The following CA10 variants were observed in gnomAD, a reference collection of about 807,000 sequenced individuals.
CA10 encodes carbonic anhydrase-related protein 10.
In CA10, 14 loss-of-function variants were observed where a neutral mutation model predicts 44.2. That is an observed-to-expected ratio of 0.32 (90% CI 0.21 to 0.50). The LOEUF is 0.50. CA10 is among the 20% of genes least tolerant of loss of function. The probability of loss-of-function intolerance (pLI) is 0.99; values close to 1 mark genes in which losing one functional copy is unlikely to be tolerated. For synonymous variants in CA10, 159 were observed against 141.6 expected, an observed-to-expected ratio of 1.12 and a Z score of -0.87; for missense variants, 350 against 409.7, an observed-to-expected ratio of 0.85 and a Z score of 1.26.
chr17:52,059,887 C>T (rs1987335101), intron 2 of CA10, among the ~76,000 whole-genome samples: 2 of 152,102 alleles, frequency 1.3e-5, no homozygotes, highest in African/African-American at 4.8e-5. Flanking sequence ...CAATTGATGT[C>T]ATAAAGTAAG....
chr17:52,003,693 A>G (rs1322876116), intron 2 of CA10, among the ~76,000 whole-genome samples: 1 of 151,930 alleles, frequency 6.6e-6, no homozygotes, highest in Non-Finnish European at 1.5e-5. Context: ...CTTGCAACTC[A>G]GGTAGGAAAC....
intron 3 of CA10, among the ~76,000 whole-genome samples, chr17:51,862,720 T>C (rs991412942): frequency 6.6e-6 from 1 of 152,118 alleles, no homozygotes; most frequent in Admixed American, 6.5e-5. Context: ...GGTTGAGTTC[T>C]GGTGAGGGTG....
chr17:51,933,622 T>G (rs911841495), intron 2 of CA10, among the ~76,000 whole-genome samples: 6 of 152,096 alleles, frequency 3.9e-5, no homozygotes, highest in African/African-American at 1.4e-4. Context: ...GTTATGGCAG[T>G]AACGGAAAAG....
intron 3 of CA10, among the ~76,000 whole-genome samples, chr17:51,789,263 A>C (rs1336035817): frequency 6.6e-6 from 1 of 151,270 alleles, no homozygotes. Flanking sequence ...AGATCCACCC[A>C]CGCTGGCCTC....
At chr17:51,723,410 G>C (rs1300691746) in intron 4 of CA10, among the ~76,000 whole-genome samples, 1 of 152,166 alleles carries the variant, frequency 6.6e-6, no homozygotes, top group African/African-American at 2.4e-5. Flanking sequence ...GAGAAACGTG[G>C]TTCAGAACCT....
At chr17:52,019,164 G>A (rs1986060556) in intron 2 of CA10, among the ~76,000 whole-genome samples, 1 of 152,046 alleles carries the variant, frequency 6.6e-6, no homozygotes, top group South Asian at 2.1e-4. Flanking sequence ...AATTCCAGGT[G>A]TTCCTTTATA....
At chr17:51,935,019 G>A (rs780560037) in intron 2 of CA10, among the ~76,000 whole-genome samples, 5 of 152,090 alleles carry the variant, frequency 3.3e-5, no homozygotes, top group Admixed American at 6.6e-5. Context: ...AAGGATGGGC[G>A]TATGAATGAA....
At chr17:51,921,322 G>GTCA (rs1436677568) in intron 3 of CA10, among the ~76,000 whole-genome samples, 3 of 152,132 alleles carry the variant, frequency 2.0e-5, no homozygotes, top group Non-Finnish European at 2.9e-5. Context: ...GAAACAGAAG[G>GTCA]TCATTCAATT....
At chr17:51,732,686 G>C (rs1916762760) in intron 4 of CA10, among the ~76,000 whole-genome samples, 1 of 152,108 alleles carries the variant, frequency 6.6e-6, no homozygotes, top group Non-Finnish European at 1.5e-5. Context: ...GGGTCAGAGA[G>C]GACATCAGAT....
Position 51,683,497 on chromosome 17 carries a change from G to C in CA10, c.466-29761C>G, listed in dbSNP as rs868723379. 3.2e-4 allele frequency among the ~76,000 whole-genome samples: 48 copies of C among 152,278 alleles called. No homozygotes were observed. In the Middle Eastern group the frequency reaches 0.014, roughly 43 times the overall value. On this transcript the variant is annotated intron_variant, in intron 4 of 8. Coordinates refer to ENST00000451037, the MANE Select transcript of CA10 (RefSeq NM_020178.5). The stretch of plus-strand genomic sequence containing the variant: ...ATCGACGGGAAAACGTTTTGCAAAT[G>C]GTAAAGCCGCCTGTGAGGTCTTAAT...
At chr17:51,812,572 G>A (rs534088782) in intron 3 of CA10, among the ~76,000 whole-genome samples, 46 of 152,360 alleles carry the variant, frequency 3.0e-4, no homozygotes, top group African/African-American at 1.1e-3. Flanking sequence ...AGAAGATATT[G>A]AGAGCAAAGC....
intron 3 of CA10, among the ~76,000 whole-genome samples, chr17:51,828,466 T>A (rs1401018116): frequency 6.6e-6 from 1 of 152,208 alleles, no homozygotes; most frequent in Non-Finnish European, 1.5e-5. Flanking sequence ...GTCAGAGACC[T>A]TAATGTATTA....
At chr17:51,855,625 T>C (rs1056521783) in intron 3 of CA10, among the ~76,000 whole-genome samples, 1 of 152,204 alleles carries the variant, frequency 6.6e-6, no homozygotes, top group Non-Finnish European at 1.5e-5. Context: ...TACACACAGA[T>C]GTTCATCCAG....
At chr17:52,038,783 T>C (rs1314550974) in intron 2 of CA10, among the ~76,000 whole-genome samples, 1 of 152,174 alleles carries the variant, frequency 6.6e-6, no homozygotes, top group Admixed American at 6.6e-5. Context: ...CTACACTCTT[T>C]AAACATTTCT....
intron 3 of CA10, among the ~76,000 whole-genome samples, chr17:51,754,142 C>A (rs1904993064): frequency 6.6e-6 from 1 of 151,964 alleles, no homozygotes; most frequent in African/African-American, 2.4e-5. Flanking sequence ...CCACTCCCAG[C>A]CACAGCTGGT....
intron 3 of CA10, among the ~76,000 whole-genome samples, chr17:51,811,860 G>C (rs776242130): frequency 2.0e-5 from 3 of 152,020 alleles, no homozygotes; most frequent in Non-Finnish European, 2.9e-5. Context: ...AGATTTACTA[G>C]GATATGCAAT....
chr17:51,727,095 T>C (rs1039852173), intron 4 of CA10, among the ~76,000 whole-genome samples: 14 of 152,174 alleles, frequency 9.2e-5, no homozygotes, highest in African/African-American at 2.9e-4. Context: ...TCTCTCCCTG[T>C]TGCCTCCACA....
intron 3 of CA10, among the ~76,000 whole-genome samples, chr17:51,822,173 A>T (rs1598062974): frequency 6.6e-6 from 1 of 152,016 alleles, no homozygotes; most frequent in Non-Finnish European, 1.5e-5. Flanking sequence ...CCTGTAATCC[A>T]AGCAGTTTGG....
chr17:51,858,765 T>A (rs1243447983), intron 3 of CA10, among the ~76,000 whole-genome samples: 3 of 152,196 alleles, frequency 2.0e-5, no homozygotes, highest in Admixed American at 2.0e-4. Context: ...GAGAGAAACA[T>A]CATATGGAAA....
Sources: gnomAD v4.1 joint callset for allele counts (sites outside exome capture counted in the v4.1 genomes callset) on GRCh38, gnomAD v4.1.1 for gene constraint, MANE v1.5 for transcripts, NCBI Gene and HGNC (gene_info 2026-07-23, HGNC 2026-07-21) for gene names.